The following UGT1A3 variants were observed in gnomAD, a reference collection of about 807,000 sequenced individuals.
UGT1A3 encodes UDP-glucuronosyltransferase 1A3.
Under a neutral mutation model 41.0 loss-of-function variants are expected in UGT1A3, and 31 were observed. That is an observed-to-expected ratio of 0.76 (90% CI 0.57 to 1.02). The LOEUF is 1.02. Among genes scored for constraint, UGT1A3 ranks in the 50% least tolerant of loss-of-function variants. The pLI, the probability that UGT1A3 is intolerant of heterozygous loss-of-function variation, is 0.00. For missense variants in UGT1A3, 737 were observed against 671.0 expected, an observed-to-expected ratio of 1.10 and a Z score of -1.09; for synonymous variants, 262 against 257.6, an observed-to-expected ratio of 1.02 and a Z score of -0.17.
chr2:233,746,671 G>C (rs1345040800), intron 1 of UGT1A3, among the ~76,000 whole-genome samples: 1 of 151,792 alleles, frequency 6.6e-6, no homozygotes, highest in East Asian at 1.9e-4. Flanking sequence ...TCCTAGCATA[G>C]TAGGTAGGGC....
In UGT1A3 at chr2:233,772,828, C is replaced by A; in HGVS notation, c.*269C>A. ...TTCAGAGGACGTGCAGACAGGCTGG[C>A]ATTCTAGATTACTTTTCTTACTCTG... is the stretch of plus-strand genomic sequence containing the variant. On this transcript the variant is annotated 3_prime_UTR_variant, in exon 5 of 5. Transcript: ENST00000482026. 1.1e-6 allele frequency: 1 copy of A among 921,124 alleles called. No individual in the cohort carries two copies. The highest frequency in any genetic ancestry group is 1.5e-6 in the Non-Finnish European group (1 of 663,786). The allele number at this position is 921,124 out of a possible 1,614,324, so 57.1% of individuals were successfully genotyped here. A position where few individuals can be genotyped will look rare whatever the true frequency, so the allele number is the denominator to read the frequency against.
chr2:233,746,953 T>A (rs984665888), intron 1 of UGT1A3, among the ~76,000 whole-genome samples: 1 of 151,790 alleles, frequency 6.6e-6, no homozygotes, highest in Non-Finnish European at 1.5e-5. Context: ...AACAAGAGCT[T>A]GAACTTGGAT....
chr2:233,757,027 T>C (rs1022147846), intron 1 of UGT1A3, among the ~76,000 whole-genome samples: 2 of 151,348 alleles, frequency 1.3e-5, no homozygotes, highest in African/African-American at 4.9e-5. Context: ...ACAAAGCAAT[T>C]TGAGAACATC....
chr2:233,743,528 A>G (rs1026990918), intron 1 of UGT1A3: 10 of 1,367,274 alleles, frequency 7.3e-6, no homozygotes, highest in East Asian at 9.1e-5. Flanking sequence ...CTGCTTCCCC[A>G]GCAGTTCCTC....
Position 233,772,885 on chromosome 2 carries a change from A to C in UGT1A3, c.*326A>C. ...GGCCTGTTTGGGAGTGCGGGATTCA[A>C]AGGTGGTCCCACGGCTGCCCCTACT... On this transcript the variant is annotated 3_prime_UTR_variant, in exon 5 of 5. Transcript: ENST00000482026. 1.8e-6 allele frequency: 1 copy of C among 555,428 alleles called. No individual in the cohort carries two copies. Among genetic ancestry groups the C allele is most frequent in the Non-Finnish European group, 2.8e-6 (1 of 357,440 alleles). The allele number at this position is 555,428 out of a possible 1,614,324, so 34.4% of individuals were successfully genotyped here.
chr2:233,745,111 T>C (rs1693017578), intron 1 of UGT1A3, among the ~76,000 whole-genome samples: 2 of 151,928 alleles, frequency 1.3e-5, no homozygotes, highest in African/African-American at 4.9e-5. Context: ...TTTAATCTGC[T>C]GTTGGCTGAA....
intron 2 of UGT1A3, 147 bp from the exon 3 acceptor site, chr2:233,767,702 C>A: frequency 1.3e-6 from 2 of 1,514,192 alleles, no homozygotes; most frequent in Non-Finnish European, 1.8e-6. Flanking sequence ...AGTTGCCAGT[C>A]CTCAGAAGCC....
chr2:233,766,968 C>G, intron 1 of UGT1A3, 66 bp from the exon 2 acceptor site: 2 of 1,609,596 alleles, frequency 1.2e-6, no homozygotes, highest in Non-Finnish European at 1.7e-6. Context: ...TAATTCATAA[C>G]TTACTGTATG....
chr2:233,742,208 G>A (rs1691908549), intron 1 of UGT1A3, among the ~76,000 whole-genome samples: 1 of 152,036 alleles, frequency 6.6e-6, no homozygotes, highest in South Asian at 2.1e-4. Flanking sequence ...GGGACTCACA[G>A]CCTTCAGGGC....
intron 1 of UGT1A3, among the ~76,000 whole-genome samples, chr2:233,764,955 T>G (rs891211439): frequency 6.6e-6 from 1 of 151,792 alleles, no homozygotes; most frequent in Non-Finnish European, 1.5e-5. Flanking sequence ...GAGAGAGGGC[T>G]CACCTTGGGA....
chr2:233,764,521 T>A (rs2126010678), intron 1 of UGT1A3, among the ~76,000 whole-genome samples: 1 of 152,314 alleles, frequency 6.6e-6, no homozygotes, highest in African/African-American at 2.4e-5. Context: ...GTGAATCACA[T>A]CCTGCTGATT....
Position 233,729,087 on chromosome 2 carries a change from G to A in UGT1A3, c.-40G>A, listed in dbSNP as rs1254975365. ...GAAGAAAGCAAATGTAGCAGGCACA[G>A]CGTGGGGTGGACAGTCAGCTGTCCG... On this transcript the variant is annotated 5_prime_UTR_variant, in exon 1 of 5. Coordinates refer to ENST00000482026, the MANE Select transcript of UGT1A3 (RefSeq NM_019093.4). 1.9e-6 allele frequency: 3 copies of A among 1,612,408 alleles called. No individual in the cohort carries two copies. Among genetic ancestry groups the A allele is most frequent in the African/African-American group, 1.3e-5 (1 of 74,900 alleles).
chr2:233,751,417 C>CT, intron 1 of UGT1A3, among the ~76,000 whole-genome samples: 1 of 152,082 alleles, frequency 6.6e-6, no homozygotes, highest in East Asian at 1.9e-4. Flanking sequence ...GACTTTTGAG[C>CT]TAGTGCTGAA....
At chr2:233,743,990 C>G (rs541433916) in intron 1 of UGT1A3, 2 of 1,267,322 alleles carry the variant, frequency 1.6e-6, no homozygotes, top group South Asian at 2.6e-5. Context: ...GGCGCAGGCC[C>G]GAGTGCTCGG....
chr2:233,750,062 A>G (rs140494674), intron 1 of UGT1A3, among the ~76,000 whole-genome samples: 5,134 of 151,936 alleles, frequency 0.034, 160 homozygotes, highest in African/African-American at 0.052. Flanking sequence ...TGACTTTGGA[A>G]CTGGGTAACA....
In UGT1A3 at chr2:233,734,906, CA is replaced by C. The variant is rs200128219; in HGVS notation, c.867+4914del. Reference sequence around the variant, plus strand: ...GTTTGTTGTGATTTCTATTCTTTTACATTTGCTAAGGAGTGCTTTACTTACA... The same window carrying C: ...GTTTGTTGTGATTTCTATTCTTTTACTTTGCTAAGGAGTGCTTTACTTACA... On this transcript the variant is annotated intron_variant, in intron 1 of 4. Coordinates refer to ENST00000482026, the MANE Select transcript of UGT1A3 (RefSeq NM_019093.4). Among the ~76,000 whole-genome samples, 55 of 152,278 alleles carry C rather than the reference CA, an allele frequency of 3.6e-4. No homozygotes were observed. The East Asian group carries it at 0.011, about 29-fold the overall frequency.
chr2:233,749,470 C>T (rs7604115), intron 1 of UGT1A3, among the ~76,000 whole-genome samples: 55,875 of 151,612 alleles, frequency 0.37, 10,826 homozygotes, highest in African/African-American at 0.42. Context: ...GGAACTGTGG[C>T]ACAGATCACT....
At chr2:233,742,568 G>A (rs1692020087) in intron 1 of UGT1A3, among the ~76,000 whole-genome samples, 1 of 151,798 alleles carries the variant, frequency 6.6e-6, no homozygotes, top group African/African-American at 2.4e-5. Context: ...GCTTCTGGCC[G>A]GAATTGGGGG....
At chr2:233,732,936 C>G (rs2078338075) in intron 1 of UGT1A3, among the ~76,000 whole-genome samples, 1 of 152,082 alleles carries the variant, frequency 6.6e-6, no homozygotes, top group African/African-American at 2.4e-5. Flanking sequence ...TTCTTCCTAT[C>G]CATGAGCATG....
Sources: allele counts gnomAD v4.1 joint callset (sites outside exome capture counted in the v4.1 genomes callset), GRCh38; gene constraint gnomAD v4.1.1; transcripts MANE v1.5; gene names NCBI Gene and HGNC (gene_info 2026-07-23, HGNC 2026-07-21).